ADK: variants seen among roughly 807,000 people sequenced by gnomAD.
ADK encodes adenosine kinase.
Under a neutral mutation model 44.7 loss-of-function variants are expected in ADK, and 24 were observed. The observed-to-expected ratio is 0.54, with a 90% CI of 0.39 to 0.76. The LOEUF (loss-of-function observed/expected upper bound fraction) is 0.76, where lower values mean the gene tolerates loss of function less well. Among genes scored for constraint, ADK ranks in the 30% least tolerant of loss-of-function variants. The pLI, the probability that ADK is intolerant of heterozygous loss-of-function variation, is 0.00. For synonymous variants in ADK, 128 were observed against 142.6 expected (o/e 0.90, Z 0.73); for missense variants, 321 against 425.1 (o/e 0.76, Z 2.15).
At chr10:74,581,005 GTCAA>G (rs1400552151) in intron 7 of ADK, among the ~76,000 whole-genome samples, 2 of 142,108 alleles carry the variant, frequency 1.4e-5, no homozygotes, top group African/African-American at 2.7e-5. Context: ...CCCTATCTCA[GTCAA>G]TCAATAATAA....
intron 3 of ADK, among the ~76,000 whole-genome samples, chr10:74,240,211 C>T (rs151229713): frequency 0.017 from 2,511 of 152,162 alleles, 56 homozygotes; most frequent in Non-Finnish European, 0.024. Flanking sequence ...GACAGGGTTT[C>T]GCCATGTTGT....
intron 7 of ADK, among the ~76,000 whole-genome samples, chr10:74,553,186 T>TTG (rs1850096279): frequency 2.2e-5 from 3 of 136,028 alleles, no homozygotes; most frequent in East Asian, 2.3e-4. Flanking sequence ...TTTCAGCACA[T>TTG]TGTGTTTTTT....
chr10:74,545,644 A>G (rs1377203419), intron 7 of ADK, among the ~76,000 whole-genome samples: 1 of 152,112 alleles, frequency 6.6e-6, no homozygotes, highest in African/African-American at 2.4e-5. Context: ...CAGAAATATG[A>G]CTTCTCATAG....
intron 6 of ADK, among the ~76,000 whole-genome samples, chr10:74,407,748 A>G (rs1166950935): frequency 6.6e-6 from 1 of 151,578 alleles, no homozygotes; most frequent in Non-Finnish European, 1.5e-5. Flanking sequence ...CAGCCTGGGA[A>G]CTCTATTCAA....
chr10:74,659,864 G>T (rs1854633755), intron 9 of ADK, among the ~76,000 whole-genome samples: 1 of 151,876 alleles, frequency 6.6e-6, no homozygotes, highest in Non-Finnish European at 1.5e-5. Flanking sequence ...CAAGATTAAG[G>T]GTGGGTCTGC....
intron 5 of ADK, among the ~76,000 whole-genome samples, chr10:74,397,789 C>T (rs1382736709): frequency 3.3e-5 from 5 of 152,120 alleles, no homozygotes; most frequent in Non-Finnish European, 5.9e-5. Context: ...ATCCTCCCAC[C>T]TTGGCCTCTG....
intron 2 of ADK, among the ~76,000 whole-genome samples, chr10:74,205,363 G>C (rs1161600814): frequency 6.6e-6 from 1 of 152,014 alleles, no homozygotes; most frequent in African/African-American, 2.4e-5. Context: ...CAGGAATGTA[G>C]AGCAGGTTAA....
At chr10:74,337,023 C>T (rs1841432386) in intron 4 of ADK, among the ~76,000 whole-genome samples, 4 of 152,160 alleles carry the variant, frequency 2.6e-5, no homozygotes. Context: ...TTTATTGTCA[C>T]TACCTTTTGC....
chr10:74,509,840 A>G (rs1214371693), intron 6 of ADK, among the ~76,000 whole-genome samples: 1 of 152,170 alleles, frequency 6.6e-6, no homozygotes, highest in African/African-American at 2.4e-5. Context: ...TACCATGTTT[A>G]ACTTTCTGTT....
chr10:74,229,391 C>CTTT lies in ADK; in HGVS notation c.194+4819_194+4821dup, dbSNP rs371346131. ...GTTAGAGACAATAACATCTGGTATGCTTTTTTTTTTTTTTTTTTTTTGGTG... is the reference window on the plus strand; with the variant it reads ...GTTAGAGACAATAACATCTGGTATGCTTTTTTTTTTTTTTTTTTTTTTTTGGTG... On this transcript the variant is annotated intron_variant, in intron 3 of 10. Transcript: ENST00000539909. Among the ~76,000 whole-genome samples, 202 of 97,194 alleles carry CTTT rather than the reference C, an allele frequency of 2.1e-3. 8 individuals are homozygous for CTTT. Among genetic ancestry groups the CTTT allele is most frequent in the African/African-American group, 6.3e-3 (148 of 23,330 alleles). 63.8% of individuals were successfully genotyped at this position (97,194 alleles called of 152,430 possible).
chr10:74,678,212 CAAGA>C (rs918597188), intron 10 of ADK, among the ~76,000 whole-genome samples: 1 of 151,074 alleles, frequency 6.6e-6, no homozygotes, highest in Non-Finnish European at 1.5e-5. Context: ...CAACAGAAAG[CAAGA>C]GAGAGCTATA....
At chr10:74,206,305 T>A (rs1280445735) in intron 2 of ADK, among the ~76,000 whole-genome samples, 1 of 152,172 alleles carries the variant, frequency 6.6e-6, no homozygotes, top group Admixed American at 6.5e-5. Flanking sequence ...AAGATAAGAT[T>A]GGAAGTTTTA....
At chr10:74,554,049 G>A (rs1474188617) in intron 7 of ADK, among the ~76,000 whole-genome samples, 9 of 152,088 alleles carry the variant, frequency 5.9e-5, no homozygotes, top group Non-Finnish European at 1.2e-4. Flanking sequence ...TGAATCTTTT[G>A]CCTTATTGCA....
chr10:74,168,070 G>A (rs1485951324), intron 1 of ADK, among the ~76,000 whole-genome samples: 2 of 152,114 alleles, frequency 1.3e-5, no homozygotes, highest in African/African-American at 2.4e-5. Context: ...TCTTTGAATA[G>A]CACTTATGAT....
chr10:74,189,409 T>TG (rs1842885051), intron 1 of ADK, among the ~76,000 whole-genome samples: 1 of 152,240 alleles, frequency 6.6e-6, no homozygotes, highest in African/African-American at 2.4e-5. Flanking sequence ...GCCTACCCTG[T>TG]GGTGGTCTGT....
intron 7 of ADK, among the ~76,000 whole-genome samples, chr10:74,584,843 C>T (rs548366239): frequency 6.6e-6 from 1 of 152,208 alleles, no homozygotes; most frequent in South Asian, 2.1e-4. Flanking sequence ...TGTCAGTATA[C>T]AGAAATCATT....
At chr10:74,471,212 C>T (rs1392683176) in intron 6 of ADK, among the ~76,000 whole-genome samples, 2 of 151,864 alleles carry the variant, frequency 1.3e-5, no homozygotes, top group Non-Finnish European at 2.9e-5. Context: ...GTAGCTGGGA[C>T]TACAAGCACC....
At chr10:74,619,640 A>G (rs1032500187) in intron 9 of ADK, among the ~76,000 whole-genome samples, 1 of 152,042 alleles carries the variant, frequency 6.6e-6, no homozygotes, top group Non-Finnish European at 1.5e-5. Context: ...TATCTCAGTC[A>G]TTTGTAGGTC....
At chr10:74,634,740 T>A (rs1435475167) in intron 9 of ADK, among the ~76,000 whole-genome samples, 2 of 151,338 alleles carry the variant, frequency 1.3e-5, no homozygotes, top group Non-Finnish European at 3.0e-5. Flanking sequence ...AAGTCAGGAG[T>A]TCGAGACCAG....
Sources: allele counts gnomAD v4.1 joint callset (sites outside exome capture counted in the v4.1 genomes callset), GRCh38; gene constraint gnomAD v4.1.1; transcripts MANE v1.5; gene names NCBI Gene and HGNC (gene_info 2026-07-23, HGNC 2026-07-21).